The following AMMECR1 variants were observed in gnomAD, a reference collection of about 807,000 sequenced individuals.
The protein encoded by AMMECR1 is nuclear protein AMMECR1.
A neutral mutation model predicts 22.5 loss-of-function variants in AMMECR1; 3 were observed. That is an observed-to-expected ratio of 0.13 (90% CI 0.06 to 0.35). The LOEUF (loss-of-function observed/expected upper bound fraction) is 0.35. Ranked by LOEUF, AMMECR1 falls within the 10% of genes least tolerant of loss-of-function variation. AMMECR1 has a pLI of 1.00. For missense variants in AMMECR1, 235 were observed against 278.7 expected, an observed-to-expected ratio of 0.84 and a Z score of 1.12; for synonymous variants, 130 against 116.7, an observed-to-expected ratio of 1.11 and a Z score of -0.74.
intron 2 of AMMECR1, among the ~76,000 whole-genome samples, chrX:110,242,195 T>G (rs987966514): frequency 2.7e-5 from 3 of 111,673 alleles, no homozygotes; most frequent in African/African-American, 9.8e-5. Context: ...GTGATAAGAC[T>G]CCTCCTTTAC....
At chrX:110,345,148 T>C (rs1328412298) in intron 2 of AMMECR1, among the ~76,000 whole-genome samples, 71 of 112,160 alleles carry the variant, frequency 6.3e-4, no homozygotes, top group African/African-American at 1.9e-3. Context: ...ATATACACCA[T>C]GGAATACTAT....
intron 2 of AMMECR1, among the ~76,000 whole-genome samples, chrX:110,379,745 C>T (rs1381939248): frequency 8.9e-6 from 1 of 111,870 alleles, no homozygotes; most frequent in African/African-American, 3.2e-5. Context: ...TTCATTTAGA[C>T]AGACTTCCCA....
intron 1 of AMMECR1, among the ~76,000 whole-genome samples, chrX:110,299,261 A>C (rs1569400692): frequency 8.9e-6 from 1 of 112,141 alleles, no homozygotes. Context: ...GTTCTTAGAC[A>C]AAAGATACTA....
At chrX:110,262,641 T>G (rs2067747810) in intron 2 of AMMECR1, among the ~76,000 whole-genome samples, 1 of 112,420 alleles carries the variant, frequency 8.9e-6, no homozygotes, top group Admixed American at 9.4e-5. Flanking sequence ...TTTATTTTTT[T>G]CTTTAAACAA....
At chrX:110,334,665 T>C (rs1001726067) in intron 2 of AMMECR1, among the ~76,000 whole-genome samples, 1 of 112,446 alleles carries the variant, frequency 8.9e-6, no homozygotes, top group Non-Finnish European at 1.9e-5. Context: ...TTGTGTTTAA[T>C]CGCTTTCAAA....
At chrX:110,232,992 G>A (rs1404778491) in intron 2 of AMMECR1, among the ~76,000 whole-genome samples, 1 of 105,873 alleles carries the variant, frequency 9.4e-6, no homozygotes. Context: ...GAGCAGAACT[G>A]AAAGAGAGAG....
rs140166560 is a variant in AMMECR1 at position 110,300,793 on chromosome X, C to A, written c.473+16806G>T. Reference sequence around the variant, plus strand: ...AGACATCATGTTTACCCTGTGGCTTCATTTATCCTCTAGCACACCACCACA... The same window carrying A: ...AGACATCATGTTTACCCTGTGGCTTAATTTATCCTCTAGCACACCACCACA... On this transcript the variant is annotated intron_variant, in intron 1 of 5. Transcript: ENST00000262844. Among the ~76,000 whole-genome samples, 603 of 112,234 alleles carry A rather than the reference C, an allele frequency of 5.4e-3. 3 individuals are homozygous for A. The highest frequency in any genetic ancestry group is 0.019 in the African/African-American group (586 of 30,958).
At chrX:110,419,048 G>C (rs985172489) in intron 2 of AMMECR1, 1 of 111,753 alleles carries the variant, frequency 8.9e-6, no homozygotes, top group Non-Finnish European at 1.9e-5. Flanking sequence ...ATCTCAGTCC[G>C]ATTTGGAAGG....
intron 2 of AMMECR1, among the ~76,000 whole-genome samples, chrX:110,251,561 GAGAT>G (rs2067686352): frequency 8.9e-6 from 1 of 112,017 alleles, no homozygotes. Context: ...TAAGGAGAGT[GAGAT>G]AGATTTTTGT....
chrX:110,293,071 A>G (rs926873629), intron 1 of AMMECR1, among the ~76,000 whole-genome samples: 1 of 112,541 alleles, frequency 8.9e-6, no homozygotes, highest in East Asian at 2.8e-4. Flanking sequence ...GTAGAAAAGT[A>G]TGTATAGTAT....
intron 2 of AMMECR1, among the ~76,000 whole-genome samples, chrX:110,354,417 C>A (rs998085078): frequency 8.9e-6 from 1 of 111,838 alleles, no homozygotes; most frequent in Non-Finnish European, 1.9e-5. Context: ...CTTTACATAG[C>A]ATTTACATTG....
At chrX:110,384,765 C>G (rs929179358) in intron 2 of AMMECR1, among the ~76,000 whole-genome samples, 1 of 110,915 alleles carries the variant, frequency 9.0e-6, no homozygotes, top group African/African-American at 3.3e-5. Context: ...CCGAACCCCC[C>G]ACCATAGCTC....
intron 2 of AMMECR1, among the ~76,000 whole-genome samples, chrX:110,231,379 G>T (rs781503720): frequency 1.8e-5 from 2 of 112,252 alleles, no homozygotes; most frequent in East Asian, 5.6e-4. Context: ...TTAAAGAAAA[G>T]AATTTTCAAC....
chrX:110,270,636 A>G (rs2067794043), intron 1 of AMMECR1, among the ~76,000 whole-genome samples: 1 of 112,240 alleles, frequency 8.9e-6, no homozygotes, highest in Non-Finnish European at 1.9e-5. Context: ...GGGAGAGAGA[A>G]AGATTAGCTG....
At chrX:110,341,428 C>A (rs1389845880) in intron 2 of AMMECR1, among the ~76,000 whole-genome samples, 1 of 112,143 alleles carries the variant, frequency 8.9e-6, no homozygotes, top group African/African-American at 3.2e-5. Flanking sequence ...TTTCAATTAC[C>A]CACAGCCAAC....
chrX:110,426,532 T>C (rs2068755497), intron 2 of AMMECR1: 1 of 112,441 alleles, frequency 8.9e-6, no homozygotes, highest in Non-Finnish European at 1.9e-5. Flanking sequence ...GCTTTGTTGG[T>C]TATGTAAGAA....
chrX:110,367,971 CTAATTATTA>C (rs1243885708), intron 2 of AMMECR1, among the ~76,000 whole-genome samples: 1 of 66,089 alleles, frequency 1.5e-5, no homozygotes, highest in African/African-American at 5.6e-5. Context: ...ACAGTGCTGG[CTAATTATTA>C]TTATTATTAT....
chrX:110,243,389 T>C (rs1164526068), intron 2 of AMMECR1, among the ~76,000 whole-genome samples: 2 of 112,161 alleles, frequency 1.8e-5, no homozygotes, highest in Non-Finnish European at 3.8e-5. Flanking sequence ...CTCTTGTAAA[T>C]TGGAATCATA....
intron 3 of AMMECR1, among the ~76,000 whole-genome samples, chrX:110,209,072 G>A (rs1004663867): frequency 2.0e-5 from 2 of 98,912 alleles, no homozygotes; most frequent in Non-Finnish European, 4.0e-5. Flanking sequence ...ATGTGACTTA[G>A]TTTACTTTCC....
Sources: allele counts gnomAD v4.1 joint callset (sites outside exome capture counted in the v4.1 genomes callset), GRCh38; gene constraint gnomAD v4.1.1; transcripts MANE v1.5; gene names NCBI Gene and HGNC (gene_info 2026-07-23, HGNC 2026-07-21).